COXFA4: variants seen among roughly 807,000 people sequenced by gnomAD.
COXFA4 encodes cytochrome c oxidase subunit FA4.
chr7:10,936,493 T>G, the COXFA4 span, among the ~76,000 whole-genome samples: 59 of 152,360 alleles, frequency 3.9e-4, no homozygotes, highest in African/African-American at 1.4e-3. Flanking sequence ...GTTTCTTGTA[T>G]GTGGAATTAT....
the COXFA4 span, chr7:10,932,763 A>T: frequency 1.7e-4 from 26 of 152,304 alleles, no homozygotes; most frequent in Non-Finnish European, 2.9e-5. Flanking sequence ...TGAGCTCAAG[A>T]GTTTGAGACC....
chr7:10,935,706 T>C, the COXFA4 span, among the ~76,000 whole-genome samples: 1 of 152,204 alleles, frequency 6.6e-6, no homozygotes, highest in Non-Finnish European at 1.5e-5. Context: ...ACAGAATTGG[T>C]TGGCACCTTG....
the COXFA4 span, chr7:10,938,228 G>A: frequency 1.2e-5 from 15 of 1,247,464 alleles, no homozygotes; most frequent in African/African-American, 3.0e-5. Flanking sequence ...TTTTTGAACA[G>A]ATCAATCTTA....
chr7:10,936,566 ATCAGGATGCCCGT>A, the COXFA4 span, among the ~76,000 whole-genome samples: 1 of 152,258 alleles, frequency 6.6e-6, no homozygotes, highest in Admixed American at 6.5e-5. Flanking sequence ...ATAAAAACAA[ATCAGGATGCCCGT>A]TTATCTTTTT....
At chr7:10,933,186 G>T in the COXFA4 span, 8 of 169,226 alleles carry the variant, frequency 4.7e-5, no homozygotes, top group South Asian at 1.2e-3. Flanking sequence ...TCAACAGCCA[G>T]TAAGAGAAAC....
At chr7:10,938,051 C>T in the COXFA4 span, 7 of 1,574,122 alleles carry the variant, frequency 4.4e-6, no homozygotes, top group African/African-American at 1.4e-5. Flanking sequence ...CTTATTACAA[C>T]ACAATTTCTA....
At chr7:10,939,391 C>T in the COXFA4 span, 1 of 181,590 alleles carries the variant, frequency 5.5e-6, no homozygotes, top group Non-Finnish European at 1.2e-5. Flanking sequence ...CGTAATGCTA[C>T]CAATGCTTGC....
the COXFA4 span, among the ~76,000 whole-genome samples, chr7:10,935,231 C>G: frequency 6.6e-6 from 1 of 152,320 alleles, no homozygotes; most frequent in South Asian, 2.1e-4. Flanking sequence ...GCTTCATATC[C>G]AAAATTCTCT....
chr7:10,936,617 C>T, the COXFA4 span, among the ~76,000 whole-genome samples: 16 of 152,230 alleles, frequency 1.1e-4, no homozygotes, highest in East Asian at 7.7e-4. Flanking sequence ...CAGATGAGAT[C>T]GATGTTTCAG....
chr7:10,936,343 A>C, the COXFA4 span, among the ~76,000 whole-genome samples: 1 of 152,204 alleles, frequency 6.6e-6, no homozygotes, highest in African/African-American at 2.4e-5. Context: ...GTGATATTTC[A>C]GAACATTAGT....
the COXFA4 span, chr7:10,939,949 C>G: frequency 6.4e-7 from 1 of 1,573,190 alleles, no homozygotes. Flanking sequence ...TCCCAGGGAA[C>G]AGAAAGAGGC....
At chr7:10,932,730 G>A in the COXFA4 span, 1 of 152,158 alleles carries the variant, frequency 6.6e-6, no homozygotes. Flanking sequence ...AGCACCCTGG[G>A]AGGCTGAGGA....
At chr7:10,935,932 T>A in the COXFA4 span, among the ~76,000 whole-genome samples, 1 of 152,194 alleles carries the variant, frequency 6.6e-6, no homozygotes. Context: ...AGCCCTTACT[T>A]GTCAATTTTG....
chr7:10,933,265 C>T, the COXFA4 span: 33 of 177,826 alleles, frequency 1.9e-4, no homozygotes, highest in Admixed American at 1.4e-3. Context: ...GTATAATTTC[C>T]AGTTCCAGTT....
chr7:10,939,661 C>T, the COXFA4 span: 1 of 339,552 alleles, frequency 2.9e-6, no homozygotes, highest in Non-Finnish European at 5.7e-6. Flanking sequence ...ACATAGGGAA[C>T]CTGACCTATG....
chr7:10,937,434 T>G, the COXFA4 span, among the ~76,000 whole-genome samples: 1 of 151,870 alleles, frequency 6.6e-6, no homozygotes, highest in Non-Finnish European at 1.5e-5. Flanking sequence ...AGGTACCTAC[T>G]ACCATGCCCA....
the COXFA4 span, chr7:10,938,974 C>T: frequency 2.7e-6 from 3 of 1,101,078 alleles, no homozygotes; most frequent in South Asian, 2.5e-5. Context: ...GTAGTTTCTG[C>T]ACATTGATTT....
At chr7:10,938,937 T>C in the COXFA4 span, 1 of 1,467,080 alleles carries the variant, frequency 6.8e-7, no homozygotes, top group Non-Finnish European at 9.6e-7. Flanking sequence ...TTCAAATACT[T>C]AAAACACTGG....
chr7:10,938,114 T>C, the COXFA4 span: 1 of 1,613,398 alleles, frequency 6.2e-7, no homozygotes, highest in Non-Finnish European at 8.5e-7. Flanking sequence ...TGGGACCCAG[T>C]TTGTTCCAGG....
Sources: allele counts gnomAD v4.1 joint callset (sites outside exome capture counted in the v4.1 genomes callset), GRCh38; gene constraint gnomAD v4.1.1; transcripts MANE v1.5; gene names NCBI Gene and HGNC (gene_info 2026-07-23, HGNC 2026-07-21).